ACACA: variants seen among roughly 807,000 people sequenced by gnomAD.
The protein encoded by ACACA is acetyl-CoA carboxylase 1.
ACACA carries 103 observed loss-of-function variants against 296.1 expected under a neutral mutation model. The ratio of observed to expected loss-of-function variants is 0.35; its 90% CI spans 0.30 to 0.41. ACACA has a LOEUF of 0.41. Among genes scored for constraint, ACACA ranks in the 10% least tolerant of loss-of-function variants. The pLI is 1.00. For synonymous variants in ACACA, 953 were observed against 1,038.6 expected (o/e 0.92, Z 1.58); for missense variants, 1,554 against 2,989.7 (o/e 0.52, Z 11.20).
Position 37,134,445 on chromosome 17 carries a change from G to T in ACACA, c.5680-4227C>A, listed in dbSNP as rs188888069. 2.8e-4 allele frequency among the ~76,000 whole-genome samples: 43 copies of T among 152,312 alleles called. No homozygotes were observed. In the East Asian group the frequency reaches 7.7e-3, roughly 27 times the overall value. On this transcript the variant is annotated intron_variant, in intron 45 of 55. Coordinates refer to ENST00000616317, the MANE Select transcript of ACACA (RefSeq NM_198834.3). Reference sequence around the variant, plus strand: ...CAGGATATTTGTCAGCACAGGCATTGAGATTTCCAAGTTTCACAGATGCAA... The same window carrying T: ...CAGGATATTTGTCAGCACAGGCATTTAGATTTCCAAGTTTCACAGATGCAA...
At chr17:37,293,575 C>G (rs2083181396) in intron 3 of ACACA, among the ~76,000 whole-genome samples, 1 of 128,054 alleles carries the variant, frequency 7.8e-6, no homozygotes, top group East Asian at 2.3e-4. Context: ...CAGAGTCTTG[C>G]TCTGTCCCCC....
At chr17:37,289,899 A>C (rs1438885970) in intron 3 of ACACA, among the ~76,000 whole-genome samples, 1 of 152,194 alleles carries the variant, frequency 6.6e-6, no homozygotes, top group East Asian at 1.9e-4. Flanking sequence ...GGACTGTTAC[A>C]TGAGCTTAAC....
chr17:37,259,581 T>C, intron 11 of ACACA, 51 bp from the exon 12 acceptor site: 1 of 1,602,268 alleles, frequency 6.2e-7, no homozygotes, highest in South Asian at 1.1e-5. Context: ...ATCCAACTGC[T>C]AGACCACTAC....
intron 41 of ACACA, among the ~76,000 whole-genome samples, chr17:37,166,122 TTTTA>T (rs1254634921): frequency 6.6e-6 from 1 of 152,118 alleles, no homozygotes; most frequent in African/African-American, 2.4e-5. Flanking sequence ...TCCAGAGTCT[TTTTA>T]TTTTTTCAAT....
chr17:37,132,280 C>T (rs181349997), intron 45 of ACACA, among the ~76,000 whole-genome samples: 11 of 152,304 alleles, frequency 7.2e-5, no homozygotes, highest in African/African-American at 2.6e-4. Flanking sequence ...AATGTGCACA[C>T]ACATGCACAC....
chr17:37,356,455 T>C (rs1304799235), intron 1 of ACACA, among the ~76,000 whole-genome samples: 1 of 152,110 alleles, frequency 6.6e-6, no homozygotes, highest in Non-Finnish European at 1.5e-5. Context: ...CTCAGCTCAC[T>C]GCAAGCTCTG....
At chr17:37,372,474 G>GGCCT (rs2049845981) in intron 1 of ACACA, among the ~76,000 whole-genome samples, 1 of 151,268 alleles carries the variant, frequency 6.6e-6, no homozygotes, top group Non-Finnish European at 1.5e-5. Context: ...AGCTAGAAGA[G>GGCCT]GCCTTGTAAG....
Position 37,243,354 on chromosome 17 carries a change from T to G in ACACA, c.2931+17A>C, listed in dbSNP as rs1310382667. On this transcript the variant is annotated intron_variant, in intron 22 of 55. Transcript: ENST00000616317. Reference sequence around the variant, plus strand: ...CATTGGTAGCCAGAAAAAAATATAGTGTTATCCTATAAATACCTGCTGGCT... The same window carrying G: ...CATTGGTAGCCAGAAAAAAATATAGGGTTATCCTATAAATACCTGCTGGCT... 4.3e-6 allele frequency: 7 copies of G among 1,611,106 alleles called. No individual in the cohort carries two copies. Among genetic ancestry groups the G allele is most frequent in the Non-Finnish European group, 5.1e-6 (6 of 1,177,364 alleles).
At chr17:37,178,910 C>G (rs541582849) in intron 41 of ACACA, among the ~76,000 whole-genome samples, 1 of 151,996 alleles carries the variant, frequency 6.6e-6, no homozygotes, top group Admixed American at 6.5e-5. Context: ...GATCAACTCA[C>G]GACCAACCCT....
At chr17:37,166,194 C>A (rs1427922454) in intron 41 of ACACA, among the ~76,000 whole-genome samples, 1 of 151,992 alleles carries the variant, frequency 6.6e-6, no homozygotes, top group African/African-American at 2.4e-5. Context: ...AGTGCAGTGG[C>A]ACAAATACAG....
chr17:37,238,762 G>C (rs1220746673), intron 24 of ACACA, among the ~76,000 whole-genome samples: 1 of 151,988 alleles, frequency 6.6e-6, no homozygotes, highest in African/African-American at 2.4e-5. Context: ...CCTCAAAAGA[G>C]GCTTGCACAT....
chr17:37,165,263 T>C (rs374784680), intron 41 of ACACA, among the ~76,000 whole-genome samples: 1 of 152,104 alleles, frequency 6.6e-6, no homozygotes, highest in East Asian at 1.9e-4. Context: ...TATTATTCAA[T>C]TTACATTAAA....
At position 37,205,833 on chromosome 17, in the gene ACACA, T is replaced by A; in HGVS notation, c.3988A>T (p.Ile1330Phe). 6.2e-7 allele frequency: 1 copy of A among 1,613,566 alleles called. No homozygotes were observed. The highest frequency in any genetic ancestry group is 8.5e-7 in the Non-Finnish European group (1 of 1,179,904). ...TCCTCAATATCACAGTCAGTCTTGATAGCCACATTGAGAATGTGAATTGGT... is the reference window on the plus strand; with the variant it reads ...TCCTCAATATCACAGTCAGTCTTGAAAGCCACATTGAGAATGTGAATTGGT... ...DEPIHILNVA[I>F]KTDCDIEDDR... The change falls in exon 33 of 56, where the codon ATC becomes TTC. Residue 1330 changes from isoleucine to phenylalanine, a missense_variant. By Grantham distance (21) the Ile-to-Phe change is conservative. Coordinates refer to ENST00000616317, the MANE Select transcript of ACACA (RefSeq NM_198834.3).
At chr17:37,378,045 C>A in intron 1 of ACACA, 1 of 1,266,138 alleles carries the variant, frequency 7.9e-7, no homozygotes, top group Non-Finnish European at 1.1e-6. Flanking sequence ...CATCTTCCCA[C>A]TTCCTAGCCC....
At chr17:37,309,340 T>C (rs963209610) in intron 3 of ACACA, among the ~76,000 whole-genome samples, 2 of 152,158 alleles carry the variant, frequency 1.3e-5, no homozygotes, top group African/African-American at 4.8e-5. Flanking sequence ...CAAGTATTTA[T>C]TGAGTGACTA....
At chr17:37,189,511 T>G (rs2077664607) in intron 38 of ACACA, among the ~76,000 whole-genome samples, 1 of 152,164 alleles carries the variant, frequency 6.6e-6, no homozygotes, top group African/African-American at 2.4e-5. Flanking sequence ...ATTCTTTTCT[T>G]GAGGGAACAA....
chr17:37,379,192 C>G, intron 1 of ACACA: 1 of 1,613,960 alleles, frequency 6.2e-7, no homozygotes, highest in African/African-American at 1.3e-5. Flanking sequence ...CTATAGCTAC[C>G]CTGCAGTGCC....
intron 16 of ACACA, among the ~76,000 whole-genome samples, chr17:37,250,538 T>C (rs2080935997): frequency 6.6e-6 from 1 of 151,990 alleles, no homozygotes; most frequent in Non-Finnish European, 1.5e-5. Context: ...CTCATGTGGC[T>C]GAGGCAGGAG....
rs79707013 is a variant in ACACA, at chr17:37,136,999, C to A, written c.5680-6781G>T. On this transcript the variant is annotated intron_variant, in intron 45 of 55. Coordinates refer to ENST00000616317, the MANE Select transcript of ACACA (RefSeq NM_198834.3). ...AACAAAAAACACCATTTAGTGGTGT[C>A]AAGCTGTGGTTTAATCTTCATTTCC... Among the ~76,000 whole-genome samples the A allele has an allele frequency of 8.6e-3, 1,302 of 151,860 alleles. 19 individuals carry two copies. The highest frequency in any genetic ancestry group is 0.03 in the African/African-American group (1,242 of 41,450).
Sources: gnomAD v4.1 joint callset for allele counts (sites outside exome capture counted in the v4.1 genomes callset) on GRCh38, gnomAD v4.1.1 for gene constraint, MANE v1.5 for transcripts, NCBI Gene and HGNC (gene_info 2026-07-23, HGNC 2026-07-21) for gene names.